The following SETD9 variants were observed in gnomAD, a reference collection of about 807,000 sequenced individuals.
SETD9 encodes SET domain-containing protein 9.
SETD9 carries 37 observed loss-of-function variants against 36.4 expected under a neutral mutation model. The ratio of observed to expected loss-of-function variants is 1.02; its 90% confidence interval spans 0.78 to 1.34. The LOEUF (loss-of-function observed/expected upper bound fraction) is 1.34, where lower values mean the gene tolerates loss of function less well. Among genes scored for constraint, SETD9 ranks in the 40% most tolerant of loss-of-function variants. SETD9 has a pLI of 0.00. For missense variants in SETD9, 323 were observed against 353.2 expected (o/e 0.91, Z 0.69); for synonymous variants, 128 against 132.9 (o/e 0.96, Z 0.26).
At chr5:56,914,780 C>A in intron 4 of SETD9, 81 bp from the exon 5 acceptor site, 1 of 878,356 alleles carries the variant, frequency 1.1e-6, no homozygotes, top group East Asian at 2.8e-5. Context: ...GAAAAACAGA[C>A]ATTGAGTGTC....
chr5:56,919,792 C>T (rs1369992204), downstream of SETD9: 1 of 152,548 alleles, frequency 6.6e-6, no homozygotes, highest in African/African-American at 2.4e-5. Context: ...TCACAGGGTA[C>T]TTATTTCAAA....
chr5:56,909,902 G>C (rs1381395760), intron 1 of SETD9, among the ~76,000 whole-genome samples, 159 bp downstream of exon 1: 1 of 151,614 alleles, frequency 6.6e-6, no homozygotes, highest in East Asian at 2.0e-4. Flanking sequence ...GGGTGGGCGG[G>C]GACTGAGGCC....
chr5:56,915,657 A>G (rs886604011), intron 5 of SETD9, among the ~76,000 whole-genome samples: 4 of 152,158 alleles, frequency 2.6e-5, no homozygotes, highest in Non-Finnish European at 5.9e-5. Flanking sequence ...TAAAACATGA[A>G]CTATTATTTA....
downstream of SETD9, among the ~76,000 whole-genome samples, chr5:56,917,680 T>G (rs1374721617): frequency 1.3e-5 from 2 of 152,202 alleles, no homozygotes; most frequent in African/African-American, 4.8e-5. Context: ...GCAGAAAGAA[T>G]GTGTCCTGGC....
rs1407324896 is a variant in SETD9, at chr5:56,917,010, A to T, written c.*108A>T. ...CTGTAAAACAAATATTTTGAGACTT[A>T]ATTGGAATAGGAATTTCTTATGTTT... On this transcript the variant is annotated 3_prime_UTR_variant, in exon 6 of 6. Transcript: ENST00000285947. 3 of 1,378,908 alleles carry T rather than the reference A, an allele frequency of 2.2e-6. No individual in the cohort carries two copies. The African/African-American group carries it at 4.5e-5, about 21-fold the overall frequency. 85.4% of individuals were successfully genotyped at this position (1,378,908 alleles called of 1,614,324 possible). A position where few individuals can be genotyped will look rare whatever the true frequency, so the allele number is the denominator to read the frequency against.
chr5:56,922,119 G>T (rs1749701370), downstream of SETD9: 1 of 152,596 alleles, frequency 6.6e-6, no homozygotes, highest in Admixed American at 6.5e-5. Flanking sequence ...AAATCTAGAA[G>T]TCCCTCTAAA....
chr5:56,917,081 T>C lies in SETD9; in HGVS notation c.*179T>C. 1 of 1,290,524 alleles carries C rather than the reference T, an allele frequency of 7.7e-7. No homozygotes were observed. The highest frequency in any genetic ancestry group is 9.8e-7 in the Non-Finnish European group (1 of 1,023,578). 79.9% of individuals were successfully genotyped at this position (1,290,524 alleles called of 1,614,324 possible). ...TTCCAATTTCATGATAAAAGCTACT[T>C]GCTTCATTACAATTTCAAATTTGTA... On this transcript the variant is annotated 3_prime_UTR_variant, in exon 6 of 6. Coordinates refer to ENST00000285947, the MANE Select transcript of SETD9 (RefSeq NM_153706.4).
At chr5:56,920,331 CTTCT>C (rs1285512871), downstream of SETD9, 1 of 152,542 alleles carries the variant, frequency 6.6e-6, no homozygotes, top group Non-Finnish European at 1.5e-5. Flanking sequence ...ACCAGTTACA[CTTCT>C]AAATGAATCC....
At chr5:56,925,344 G>A (rs758158916) in exon 6 of SETD9, 40 of 454,486 alleles carry the variant, frequency 8.8e-5, no homozygotes, top group Non-Finnish European at 1.5e-4. Context: ...TGACATGACT[G>A]TCTACGTAGA....
chr5:56,927,343 G>A (rs1254633354), downstream of SETD9, among the ~76,000 whole-genome samples: 1 of 151,982 alleles, frequency 6.6e-6, no homozygotes, highest in Non-Finnish European at 1.5e-5. Context: ...AGGAGTGGAA[G>A]GGACATAAGG....
intron 5 of SETD9, chr5:56,922,521 G>A (rs908533610): frequency 6.5e-6 from 1 of 152,956 alleles, no homozygotes; most frequent in African/African-American, 2.4e-5. Flanking sequence ...TTTGTAAACT[G>A]AAGTGCTCTA....
rs1749175466 is a variant in SETD9 at position 56,912,221 on chromosome 5, C to A, written c.466+685C>A. 3 of 984,984 alleles carry A rather than the reference C, an allele frequency of 3.0e-6. 1 individual carries two copies. In the South Asian group the frequency reaches 1.4e-4, roughly 46 times the overall value. The allele number at this position is 984,984 out of a possible 1,614,324, so 61.0% of individuals were successfully genotyped here. ...AGACAACATTTAAACCCATAAGTCA[C>A]CGAATGAAGACCTTCCTGCCCTTTC... On this transcript the variant is annotated intron_variant, in intron 2 of 5. Coordinates refer to ENST00000285947, the MANE Select transcript of SETD9 (RefSeq NM_153706.4).
At chr5:56,916,142 C>T (rs553535083) in intron 5 of SETD9, among the ~76,000 whole-genome samples, 52 of 151,546 alleles carry the variant, frequency 3.4e-4, no homozygotes, top group African/African-American at 1.2e-3. Context: ...GCCTGTAATC[C>T]CAGCACTTTG....
At chr5:56,914,802 C>T in intron 4 of SETD9, 59 bp from the exon 5 acceptor site, 1 of 1,224,656 alleles carries the variant, frequency 8.2e-7, no homozygotes, top group Non-Finnish European at 1.1e-6. Flanking sequence ...TAATTCAATT[C>T]TGTTTTCCAT....
At chr5:56,915,133 A>T (rs1435312743) in intron 5 of SETD9, among the ~76,000 whole-genome samples, 167 bp downstream of exon 5, 2 of 152,180 alleles carry the variant, frequency 1.3e-5, no homozygotes, top group Admixed American at 6.5e-5. Context: ...CTTATTTGAA[A>T]TTTAAAATTT....
At position 56,917,279 on chromosome 5, in the gene SETD9, AC is replaced by A. The variant is rs748692090; in HGVS notation, c.*378del. The A allele has an allele frequency of 6.0e-6, 6 of 996,900 alleles. No homozygotes were observed. The highest frequency in any genetic ancestry group is 7.2e-6 in the Non-Finnish European group (6 of 838,180). The allele number at this position is 996,900 out of a possible 1,614,324, so 61.8% of individuals were successfully genotyped here. ...AGTTCTTGTAGTACTGCTGATGTGT[AC>A]AAACTTCTGTAAAAACTTTATTTTT... On this transcript the variant is annotated 3_prime_UTR_variant, in exon 6 of 6. Transcript: ENST00000285947.
At chr5:56,925,516 C>A in exon 6 of SETD9, 7 of 225,488 alleles carry the variant, frequency 3.1e-5, no homozygotes, top group South Asian at 1.0e-4. Flanking sequence ...CATTAGCACC[C>A]CAAAATTAAA....
chr5:56,909,583 G>C (rs553875008), upstream of SETD9: 4 of 1,381,434 alleles, frequency 2.9e-6, no homozygotes, highest in East Asian at 8.2e-5. Flanking sequence ...CCGGGCCGGG[G>C]CGGGCCCGAG....
chr5:56,915,188 C>T (rs1749365445), intron 5 of SETD9, among the ~76,000 whole-genome samples: 1 of 151,992 alleles, frequency 6.6e-6, no homozygotes, highest in Admixed American at 6.6e-5. Context: ...CATTTTTATT[C>T]TATGGCAATA....
Sources: allele counts gnomAD v4.1 joint callset (sites outside exome capture counted in the v4.1 genomes callset), GRCh38; gene constraint gnomAD v4.1.1; transcripts MANE v1.5; gene names NCBI Gene and HGNC (gene_info 2026-07-23, HGNC 2026-07-21).